The following STK33 variants were observed in gnomAD, a reference collection of about 807,000 sequenced individuals.
STK33 encodes serine/threonine kinase 33.
In STK33, 52 loss-of-function variants were observed where a neutral mutation model predicts 58.0. That is an observed-to-expected ratio of 0.90 (90% confidence interval 0.72 to 1.13). STK33 has a LOEUF of 1.13. Ranked by LOEUF, STK33 falls within the 50% of genes most tolerant of loss-of-function variation. The pLI is 0.00. For missense variants in STK33, 630 were observed against 604.2 expected (o/e 1.04, Z -0.45); for synonymous variants, 215 against 200.1 (o/e 1.07, Z -0.63).
At chr11:8,399,614 G>A (rs1385635304) in intron 15 of STK33, among the ~76,000 whole-genome samples, 7 of 152,048 alleles carry the variant, frequency 4.6e-5, no homozygotes, top group East Asian at 1.9e-4. Flanking sequence ...AAATAACTAA[G>A]ATCAGAGCAG....
intron 15 of STK33, among the ~76,000 whole-genome samples, chr11:8,402,395 C>T (rs1938215276): frequency 6.6e-6 from 1 of 151,998 alleles, no homozygotes; most frequent in South Asian, 2.1e-4. Context: ...TGTTCTCACT[C>T]ATAGGTGGGA....
chr11:8,558,873 T>C (rs894989928), intron 1 of STK33, among the ~76,000 whole-genome samples: 1 of 152,234 alleles, frequency 6.6e-6, no homozygotes, highest in Non-Finnish European at 1.5e-5. Flanking sequence ...AGTGTTAATA[T>C]AGCACAACTG....
intron 1 of STK33, among the ~76,000 whole-genome samples, chr11:8,520,652 T>G (rs556246314): frequency 6.6e-6 from 1 of 152,064 alleles, no homozygotes; most frequent in South Asian, 2.1e-4. Flanking sequence ...AAAGTCTCAG[T>G]ATACAAAATC....
intron 6 of STK33, chr11:8,467,527 TATC>T (rs1231430611): frequency 3.3e-5 from 5 of 152,408 alleles, no homozygotes; most frequent in Admixed American, 3.3e-4. Context: ...TCATCATCCA[TATC>T]ATTATCAGCA....
Position 8,476,691 on chromosome 11 carries a change from CTTTG to C in STK33, c.-170_-167del, listed in dbSNP as rs1157960690. On this transcript the variant is annotated 5_prime_UTR_variant, in exon 4 of 16. An upstream open reading frame in the 5' UTR loses its in-frame stop. Transcript: ENST00000687296. ...CCATGCCCTCTCCCCCCTTACCTTG[CTTTG>C]TTTTTCTTCATGCCACTTATCATTT... is the stretch of plus-strand genomic sequence containing the variant. 1 of 152,214 alleles carries C rather than the reference CTTTG, an allele frequency of 6.6e-6. No homozygotes were observed. Among genetic ancestry groups the C allele is most frequent in the Non-Finnish European group, 1.5e-5 (1 of 68,060 alleles). 9.4% of individuals were successfully genotyped at this position (152,214 alleles called of 1,614,324 possible).
intron 1 of STK33, among the ~76,000 whole-genome samples, chr11:8,507,106 T>A (rs57757082): frequency 0.26 from 39,698 of 151,904 alleles, 5,341 homozygotes; most frequent in South Asian, 0.33. Context: ...TTTTCCAGAT[T>A]TACCTAATTT....
downstream of STK33, among the ~76,000 whole-genome samples, chr11:8,387,316 G>C (rs115976229): frequency 6.6e-6 from 1 of 152,098 alleles, no homozygotes; most frequent in Non-Finnish European, 1.5e-5. Flanking sequence ...GCAAAAACAC[G>C]AACATCTTGA....
At chr11:8,531,565 C>G (rs540334072) in intron 1 of STK33, among the ~76,000 whole-genome samples, 236 of 152,320 alleles carry the variant, frequency 1.5e-3, no homozygotes, top group African/African-American at 5.1e-3. Context: ...AGGAGCTGAG[C>G]TGGGAGCTTA....
chr11:8,523,329 T>A (rs1591616632), intron 1 of STK33, among the ~76,000 whole-genome samples: 1 of 134,686 alleles, frequency 7.4e-6, no homozygotes, highest in Admixed American at 7.4e-5. Flanking sequence ...CCAGCCGCCA[T>A]CCCATCTAGG....
At chr11:8,425,613 T>C (rs1447788798) in intron 14 of STK33, among the ~76,000 whole-genome samples, 1 of 152,228 alleles carries the variant, frequency 6.6e-6, no homozygotes, top group Non-Finnish European at 1.5e-5. Flanking sequence ...TATGTCCTTT[T>C]CCATTTTTGT....
chr11:8,342,579 G>A, the STK33 span, among the ~76,000 whole-genome samples: 1 of 152,182 alleles, frequency 6.6e-6, no homozygotes, highest in South Asian at 2.1e-4. Context: ...TTCATGCCTC[G>A]GGGCTGGTGC....
At chr11:8,435,454 G>T in intron 14 of STK33, 40 bp downstream of exon 14, 1 of 1,080,018 alleles carries the variant, frequency 9.3e-7, no homozygotes, top group South Asian at 2.5e-5. Flanking sequence ...AATGAGCAAT[G>T]GTAGCATGTC....
chr11:8,564,109 C>T (rs994915038), intron 1 of STK33, among the ~76,000 whole-genome samples: 1 of 152,074 alleles, frequency 6.6e-6, no homozygotes, highest in African/African-American at 2.4e-5. Flanking sequence ...TAAAATATGA[C>T]TTTAGGGGCA....
intron 15 of STK33, among the ~76,000 whole-genome samples, chr11:8,400,149 T>G (rs553877273): frequency 1.3e-5 from 2 of 152,282 alleles, no homozygotes; most frequent in South Asian, 2.1e-4. Flanking sequence ...TACCAAAGCC[T>G]GGCAGAGACA....
At chr11:8,341,441 G>A in the STK33 span, among the ~76,000 whole-genome samples, 1 of 152,200 alleles carries the variant, frequency 6.6e-6, no homozygotes, top group African/African-American at 2.4e-5. Flanking sequence ...CCTCTTCTTT[G>A]CTCCCGCCCC....
the STK33 span, among the ~76,000 whole-genome samples, chr11:8,367,977 C>T: frequency 6.6e-6 from 1 of 152,104 alleles, no homozygotes; most frequent in Non-Finnish European, 1.5e-5. Context: ...TCAGCCCTAG[C>T]TTCTATGGGG....
intron 1 of STK33, among the ~76,000 whole-genome samples, chr11:8,587,485 C>T (rs1177085740): frequency 2.0e-5 from 3 of 151,446 alleles, no homozygotes; most frequent in East Asian, 2.0e-4. Context: ...GGAAAGAACA[C>T]GAGGCACACC....
chr11:8,407,199 C>G (rs904455627), intron 15 of STK33, among the ~76,000 whole-genome samples: 11 of 152,008 alleles, frequency 7.2e-5, no homozygotes, highest in Non-Finnish European at 1.5e-4. Context: ...ACACTGCAAA[C>G]ACTTAATTAT....
intron 12 of STK33, among the ~76,000 whole-genome samples, chr11:8,437,351 C>G (rs1944202477): frequency 6.6e-6 from 1 of 152,160 alleles, no homozygotes; most frequent in Admixed American, 6.5e-5. Flanking sequence ...TTCAATTCTT[C>G]ATAACACAAT....
Sources: gnomAD v4.1 joint callset for allele counts (sites outside exome capture counted in the v4.1 genomes callset) on GRCh38, gnomAD v4.1.1 for gene constraint, MANE v1.5 for transcripts, NCBI Gene and HGNC (gene_info 2026-07-23, HGNC 2026-07-21) for gene names.